CACNA2D1: variants seen among roughly 807,000 people sequenced by gnomAD.
CACNA2D1 encodes voltage-dependent calcium channel subunit alpha-2/delta-1.
Under a neutral mutation model 171.5 loss-of-function variants are expected in CACNA2D1, and 53 were observed. The observed-to-expected ratio is 0.31, with a 90% CI of 0.25 to 0.39. The LOEUF (loss-of-function observed/expected upper bound fraction) is 0.39. Ranked by LOEUF, CACNA2D1 falls within the 10% of genes least tolerant of loss-of-function variation. CACNA2D1 has a pLI of 1.00. For synonymous variants in CACNA2D1, 442 were observed against 443.1 expected, an observed-to-expected ratio of 1.00 and a Z score of 0.03; for missense variants, 903 against 1,299.8, an observed-to-expected ratio of 0.69 and a Z score of 4.69.
intron 3 of CACNA2D1, among the ~76,000 whole-genome samples, chr7:82,243,918 GA>G (rs1481323403): frequency 6.6e-6 from 1 of 152,090 alleles, no homozygotes; most frequent in African/African-American, 2.4e-5. Flanking sequence ...AAGGTGACCA[GA>G]AATCTCATAC....
At chr7:82,179,555 A>G (rs1363812015) in intron 3 of CACNA2D1, among the ~76,000 whole-genome samples, 3 of 152,118 alleles carry the variant, frequency 2.0e-5, no homozygotes, top group Admixed American at 2.0e-4. Context: ...AATTGCCTAC[A>G]AATAAACACC....
chr7:82,254,147 T>A (rs983855906), intron 3 of CACNA2D1, among the ~76,000 whole-genome samples: 1 of 152,082 alleles, frequency 6.6e-6, no homozygotes, highest in African/African-American at 2.4e-5. Context: ...CCCCAATCCA[T>A]CTCCGCAATT....
At chr7:82,294,142 A>T (rs1171605248) in intron 3 of CACNA2D1, among the ~76,000 whole-genome samples, 1 of 152,182 alleles carries the variant, frequency 6.6e-6, no homozygotes, top group African/African-American at 2.4e-5. Context: ...TCAAAACTCT[A>T]GTAAACTGAA....
intron 3 of CACNA2D1, among the ~76,000 whole-genome samples, chr7:82,314,897 T>C (rs559369408): frequency 2.0e-5 from 3 of 151,820 alleles, no homozygotes; most frequent in Non-Finnish European, 4.4e-5. Flanking sequence ...TACCACCCCA[T>C]ATCATATCAT....
intron 10 of CACNA2D1, among the ~76,000 whole-genome samples, chr7:82,056,179 T>C (rs1405557311): frequency 1.3e-5 from 2 of 151,960 alleles, no homozygotes; most frequent in Non-Finnish European, 2.9e-5. Flanking sequence ...TGTTTAGGGT[T>C]ATTGAGGCAA....
At chr7:82,128,451 T>A (rs76851196) in intron 5 of CACNA2D1, among the ~76,000 whole-genome samples, 2,142 of 152,246 alleles carry the variant, frequency 0.014, 20 homozygotes, top group Middle Eastern at 0.027. Flanking sequence ...TGAGGAATTG[T>A]CTTATACCAG....
At chr7:82,310,031 C>G (rs1374336402) in intron 3 of CACNA2D1, among the ~76,000 whole-genome samples, 1 of 151,930 alleles carries the variant, frequency 6.6e-6, no homozygotes, top group African/African-American at 2.4e-5. Flanking sequence ...AAATATAACT[C>G]TAAATTTATA....
intron 10 of CACNA2D1, among the ~76,000 whole-genome samples, chr7:82,057,031 C>G (rs1805987693): frequency 6.6e-6 from 1 of 152,256 alleles, no homozygotes; most frequent in Middle Eastern, 3.4e-3. Flanking sequence ...AAGGCTCCAG[C>G]TTACAGATGA....
At chr7:81,958,893 T>TAAC (rs1489274806) in intron 38 of CACNA2D1, among the ~76,000 whole-genome samples, 1 of 151,374 alleles carries the variant, frequency 6.6e-6, no homozygotes, top group Non-Finnish European at 1.5e-5. Flanking sequence ...AATGGCTGTA[T>TAAC]AACAGGTTTT....
At chr7:82,357,864 A>T (rs866447254) in intron 1 of CACNA2D1, among the ~76,000 whole-genome samples, 57 of 151,414 alleles carry the variant, frequency 3.8e-4, no homozygotes, top group Middle Eastern at 3.2e-3. Context: ...AGTATAATAA[A>T]AAAAAAAAAA....
chr7:81,974,430 T>C, intron 25 of CACNA2D1, 25 bp downstream of exon 25: 2 of 1,127,806 alleles, frequency 1.8e-6, no homozygotes, highest in South Asian at 2.5e-5. Context: ...ACTCAAGCAA[T>C]CATTTTGAAT....
At chr7:82,275,039 T>A (rs1809146055) in intron 3 of CACNA2D1, among the ~76,000 whole-genome samples, 1 of 152,092 alleles carries the variant, frequency 6.6e-6, no homozygotes, top group Non-Finnish European at 1.5e-5. Context: ...AATTATTTGC[T>A]CATGAACCAA....
At chr7:82,372,917 GC>G (rs1176945932) in intron 1 of CACNA2D1, among the ~76,000 whole-genome samples, 1 of 152,138 alleles carries the variant, frequency 6.6e-6, no homozygotes, top group African/African-American at 2.4e-5. Context: ...AGGTGTGGTG[GC>G]TCATGCCTAT....
At chr7:82,185,436 T>G (rs1797563122) in intron 3 of CACNA2D1, among the ~76,000 whole-genome samples, 1 of 133,950 alleles carries the variant, frequency 7.5e-6, no homozygotes, top group Non-Finnish European at 1.6e-5. Context: ...AAAATAAATA[T>G]CAACAATGGA....
chr7:82,217,894 G>A (rs1330583016), intron 3 of CACNA2D1, among the ~76,000 whole-genome samples: 1 of 138,292 alleles, frequency 7.2e-6, no homozygotes, highest in Non-Finnish European at 1.5e-5. Context: ...ACTATGTAGG[G>A]CTTCACCAAG....
intron 3 of CACNA2D1, among the ~76,000 whole-genome samples, chr7:82,238,721 G>C (rs916217856): frequency 2.6e-5 from 4 of 152,092 alleles, no homozygotes; most frequent in Non-Finnish European, 5.9e-5. Context: ...TCTTGACTTA[G>C]ACACTTTTGT....
intron 3 of CACNA2D1, among the ~76,000 whole-genome samples, chr7:82,321,399 GA>G (rs1380789648): frequency 6.6e-6 from 1 of 151,638 alleles, no homozygotes; most frequent in East Asian, 1.9e-4. Flanking sequence ...ATTCTGTCTC[GA>G]AAAAGAAATA....
Position 82,136,678 on chromosome 7 carries a change from T to TAAA in CACNA2D1, c.355-3_355-2insTTT. The stretch of plus-strand genomic sequence containing the variant: ...ATTGTAGTAGACAACTTCATTGCTC[T>TAAA]ACAAAAAAAAAAGAACGCTTTATTG... On this transcript the variant is annotated splice_region_variant and splice_polypyrimidine_tract_variant and intron_variant, in intron 4 of 38. Coordinates refer to ENST00000356860, the MANE Select transcript of CACNA2D1 (RefSeq NM_000722.4). 1 of 1,561,988 alleles carries TAAA rather than the reference T, an allele frequency of 6.4e-7. No individual in the cohort carries two copies. The highest frequency in any genetic ancestry group is 1.8e-5 in the Admixed American group (1 of 55,774).
At chr7:82,256,402 A>G (rs1806309876) in intron 3 of CACNA2D1, among the ~76,000 whole-genome samples, 1 of 152,224 alleles carries the variant, frequency 6.6e-6, no homozygotes, top group Non-Finnish European at 1.5e-5. Flanking sequence ...CTAAGAATAT[A>G]TAAATGTCTA....
Sources: allele counts gnomAD v4.1 joint callset (sites outside exome capture counted in the v4.1 genomes callset), GRCh38; gene constraint gnomAD v4.1.1; transcripts MANE v1.5; gene names NCBI Gene and HGNC (gene_info 2026-07-23, HGNC 2026-07-21).